The following HSP90AB1 variants were observed in gnomAD, a reference collection of about 807,000 sequenced individuals.
HSP90AB1 encodes heat shock protein HSP 90-beta.
Under a neutral mutation model 67.8 loss-of-function variants are expected in HSP90AB1, and 17 were observed. The ratio of observed to expected loss-of-function variants is 0.25; its 90% confidence interval spans 0.17 to 0.38. The LOEUF (loss-of-function observed/expected upper bound fraction) is 0.38, where lower values mean the gene tolerates loss of function less well. Ranked by LOEUF, HSP90AB1 falls within the 10% of genes least tolerant of loss-of-function variation. The pLI is 1.00. For missense variants in HSP90AB1, 690 were observed against 899.9 expected (o/e 0.77, Z 2.98); for synonymous variants, 390 against 312.9 (o/e 1.25, Z -2.60).
At chr6:44,248,243 G>A (rs1582980832) in intron 1 of HSP90AB1, among the ~76,000 whole-genome samples, 1 of 149,908 alleles carries the variant, frequency 6.7e-6, no homozygotes, top group Non-Finnish European at 1.5e-5. Context: ...ATAAAGAACT[G>A]TAGGTAGTGA....
chr6:44,251,206 G>A lies in HSP90AB1; in HGVS notation c.1116G>A (p.Glu372=), dbSNP rs1269816002. 3.1e-6 allele frequency: 5 copies of A among 1,614,088 alleles called. No homozygotes were observed. Among genetic ancestry groups the A allele is most frequent in the East Asian group, 2.2e-5 (1 of 44,886 alleles). The change falls in exon 7 of 12, where the codon GAG becomes GAA. Residue 372 remains glutamate, a synonymous_variant. Coordinates refer to ENST00000371646, the MANE Select transcript of HSP90AB1 (RefSeq NM_007355.4). ...IMDSCDELIP[E]YLNFIRGVVD... ...ACAGCTGTGATGAGTTGATACCAGA[G>A]TATCTCAGTGAGTATCTCCTTGGCC...
chr6:44,249,553 T>A lies in HSP90AB1; in HGVS notation c.324T>A (p.Ser108=). 6.2e-7 allele frequency: 1 copy of A among 1,614,172 alleles called. No homozygotes were observed. Residue 108 remains serine (S), a synonymous_variant, in exon 3 of 12, where the codon TCT becomes TCA. Transcript: ENST00000371646. The stretch of plus-strand genomic sequence containing the variant: ...ATAATTTGGGAACCATTGCCAAGTC[T>A]GGTACTAAAGCATTCATGGAGGCTC... ...LINNLGTIAK[S]GTKAFMEALQ... is the part of the protein sequence containing the mutation.
chr6:44,252,864 C>T (rs1780889275), intron 10 of HSP90AB1, among the ~76,000 whole-genome samples, 181 bp from the exon 11 acceptor site: 1 of 151,572 alleles, frequency 6.6e-6, no homozygotes, highest in Non-Finnish European at 1.5e-5. Context: ...GCTGGGATTA[C>T]AGATGTGTGC....
At position 44,250,173 on chromosome 6, in the gene HSP90AB1, ATCTTTTACACTTAACGTGCAGGATGTTTC is replaced by A; in HGVS notation, c.648+20_648+48del. On this transcript the variant is annotated intron_variant, in intron 5 of 11. Transcript: ENST00000371646. ...CCTTTATGTGAGTATGGACTTTTAAATCTTTTACACTTAACGTGCAGGATGTTTCCTGTTCTGGAGAATCTCATTGTCCC... is the reference window on the plus strand; with the variant it reads ...CCTTTATGTGAGTATGGACTTTTAAACTGTTCTGGAGAATCTCATTGTCCC... 1 of 1,614,056 alleles carries A rather than the reference ATCTTTTACACTTAACGTGCAGGATGTTTC, an allele frequency of 6.2e-7. No homozygotes were observed. The highest frequency in any genetic ancestry group is 1.1e-5 in the South Asian group (1 of 91,056).
intron 1 of HSP90AB1, chr6:44,248,102 G>C (rs1370298151): frequency 1.3e-5 from 2 of 152,572 alleles, no homozygotes; most frequent in African/African-American, 4.8e-5. Flanking sequence ...TGGATCCCAG[G>C]TTATTCCTCC....
chr6:44,247,607 C>T (rs527280671), intron 1 of HSP90AB1, among the ~76,000 whole-genome samples: 7 of 152,340 alleles, frequency 4.6e-5, no homozygotes, highest in South Asian at 4.1e-4. Context: ...GTGGGACTGG[C>T]TTTGTCACCT....
At position 44,251,101 on chromosome 6, in the gene HSP90AB1, T is replaced by C; in HGVS notation, c.1011T>C (p.Arg337=). ...LEFRALLFIP[R]RAPFDLFENK... ...TCAGGGCATTGCTATTTATTCCTCGTCGGGCTCCCTTTGACCTTTTTGAGA... is the reference window on the plus strand; with the variant it reads ...TCAGGGCATTGCTATTTATTCCTCGCCGGGCTCCCTTTGACCTTTTTGAGA... Residue 337 remains arginine (R), a synonymous_variant, in exon 7 of 12, where the codon CGT becomes CGC. Coordinates refer to ENST00000371646, the MANE Select transcript of HSP90AB1 (RefSeq NM_007355.4). The C allele has an allele frequency of 1.2e-6, 2 of 1,614,160 alleles. No homozygotes were observed. Among genetic ancestry groups the C allele is most frequent in the African/African-American group, 2.7e-5 (2 of 75,048 alleles).
At position 44,249,403 on chromosome 6, in the gene HSP90AB1, C is replaced by T. The variant is rs1418103670; in HGVS notation, c.174C>T (p.Ser58=). 1.4e-5 allele frequency: 22 copies of T among 1,613,764 alleles called. No homozygotes were observed. Among genetic ancestry groups the T allele is most frequent in the Admixed American group, 8.3e-5 (5 of 59,994 alleles). ...SDALDKIRYE[S]LTDPSKLDSG... The stretch of plus-strand genomic sequence containing the variant: ...CCTTGGACAAGATTCGCTATGAGAG[C>T]CTGACAGACCCTTCGAAGTTGGACA... The change falls in exon 3 of 12, where the codon AGC becomes AGT. Residue 58 remains serine (S), a synonymous_variant. Coordinates refer to ENST00000371646, the MANE Select transcript of HSP90AB1 (RefSeq NM_007355.4).
chr6:44,248,963 C>G (rs1780315659), intron 2 of HSP90AB1, among the ~76,000 whole-genome samples, 187 bp downstream of exon 2: 1 of 152,146 alleles, frequency 6.6e-6, no homozygotes, highest in South Asian at 2.1e-4. Flanking sequence ...AATAAGTGGG[C>G]TCATGGAACT....
At chr6:44,249,174 G>A (rs943636009) in intron 2 of HSP90AB1, among the ~76,000 whole-genome samples, 2 of 152,128 alleles carry the variant, frequency 1.3e-5, no homozygotes, top group African/African-American at 4.8e-5. Flanking sequence ...CCTTGTCTCT[G>A]CAAAAAATTA....
intron 1 of HSP90AB1, among the ~76,000 whole-genome samples, 157 bp downstream of exon 1, chr6:44,247,352 G>GT (rs1437918804): frequency 2.0e-5 from 3 of 151,862 alleles, no homozygotes; most frequent in African/African-American, 7.3e-5. Flanking sequence ...GGTGGGTGAG[G>GT]TTTTTTGAGT....
chr6:44,246,354 G>C (rs10948128), upstream of HSP90AB1: 24,310 of 152,208 alleles, frequency 0.16, 2,490 homozygotes, highest in East Asian at 0.36. Context: ...GGTCAGAGCG[G>C]GTCGCCGGGT....
chr6:44,248,840 AGGAGTG>A, intron 2 of HSP90AB1, 64 bp downstream of exon 2: 1 of 1,497,652 alleles, frequency 6.7e-7, no homozygotes, highest in Non-Finnish European at 9.1e-7. Flanking sequence ...AGGAGGGGAA[AGGAGTG>A]GTTTGGCCTT....
At position 44,252,225 on chromosome 6, in the gene HSP90AB1, C is replaced by T. The variant is rs748544840; in HGVS notation, c.1689C>T (p.Leu563=). Reference sequence around the variant, plus strand: ...AGAGCAAGGCAAAGTTTGAGAACCTCTGCAAGCTCATGAAAGAAATCTTAG... The same window carrying T: ...AGAGCAAGGCAAAGTTTGAGAACCTTTGCAAGCTCATGAAAGAAATCTTAG... The part of the protein sequence containing the change: ...MEESKAKFEN[L]CKLMKEILDK... The change falls in exon 10 of 12, where the codon CTC becomes CTT. Residue 563 remains leucine, a synonymous_variant. Coordinates refer to ENST00000371646, the MANE Select transcript of HSP90AB1 (RefSeq NM_007355.4). 6.2e-7 allele frequency: 1 copy of T among 1,614,116 alleles called. No homozygotes were observed. The highest frequency in any genetic ancestry group is 1.1e-5 in the South Asian group (1 of 91,076).
intron 1 of HSP90AB1, among the ~76,000 whole-genome samples, chr6:44,247,434 G>A (rs1487335104): frequency 6.6e-6 from 1 of 152,144 alleles, no homozygotes; most frequent in African/African-American, 2.4e-5. Context: ...TAGCGAGGTG[G>A]GCTGTGGGGT....
In HSP90AB1 at chr6:44,253,050, A is replaced by C; in HGVS notation, c.1737A>C (p.Thr579=). 1 of 1,612,930 alleles carries C rather than the reference A, an allele frequency of 6.2e-7. No individual in the cohort carries two copies. Among genetic ancestry groups the C allele is most frequent in the Non-Finnish European group, 8.5e-7 (1 of 1,178,906 alleles). Reference sequence around the variant, plus strand: ...GCTTTTGTGATCGTCCACAGGTGACAATCTCCAATAGACTTGTGTCTTCAC... The same window carrying C: ...GCTTTTGTGATCGTCCACAGGTGACCATCTCCAATAGACTTGTGTCTTCAC... The part of the protein sequence containing the change: ...EILDKKVEKV[T]ISNRLVSSPC... The change falls in exon 11 of 12, where the codon ACA becomes ACC. Residue 579 remains threonine (T), a synonymous_variant. Coordinates refer to ENST00000371646, the MANE Select transcript of HSP90AB1 (RefSeq NM_007355.4).
At position 44,250,441 on chromosome 6, in the gene HSP90AB1, A is replaced by T; in HGVS notation, c.799A>T (p.Lys267Ter). The change falls in exon 6 of 12, where the codon AAG (lysine) becomes TAG (stop). Residue 267 changes from lysine to a stop codon, truncating the protein, a stop_gained. Coordinates refer to ENST00000371646, the MANE Select transcript of HSP90AB1 (RefSeq NM_007355.4). LOFTEE classifies it high-confidence loss of function. ...EEDDSGKDKKKKTKKIKEKYI... is the reference protein window; with the variant it reads ...EEDDSGKDKK The stretch of plus-strand genomic sequence containing the variant: ...GGATGACAGCGGTAAGGATAAGAAG[A>T]AGAAAACTAAGAAGATCAAAGAGAA... 1.9e-6 allele frequency: 3 copies of T among 1,613,970 alleles called. No individual in the cohort carries two copies. The highest frequency in any genetic ancestry group is 2.5e-6 in the Non-Finnish European group (3 of 1,179,848).
rs1780662403 is a variant in HSP90AB1, at chr6:44,251,721, CT to C, written c.1315-14del. The C allele has an allele frequency of 6.2e-7, 1 of 1,610,528 alleles. No individual in the cohort carries two copies. Among genetic ancestry groups the C allele is most frequent in the African/African-American group, 1.3e-5 (1 of 74,876 alleles). Reference sequence around the variant, plus strand: ...GTAGTTAAGCTGGATTGTTTTTCCTCTTCCCACCCTTCAAGCTTGGAATCCA... The same window carrying C: ...GTAGTTAAGCTGGATTGTTTTTCCTCTCCCACCCTTCAAGCTTGGAATCCA... On this transcript the variant is annotated splice_polypyrimidine_tract_variant and intron_variant, in intron 8 of 11. Transcript: ENST00000371646.
chr6:44,247,469 G>GCACGT (rs1236394397), intron 1 of HSP90AB1, among the ~76,000 whole-genome samples: 2 of 152,136 alleles, frequency 1.3e-5, no homozygotes, highest in African/African-American at 4.8e-5. Context: ...GCTGGCAGCT[G>GCACGT]CACGTGGTGG....
Sources: allele counts gnomAD v4.1 joint callset (sites outside exome capture counted in the v4.1 genomes callset), GRCh38; gene constraint gnomAD v4.1.1; transcripts MANE v1.5; gene names NCBI Gene and HGNC (gene_info 2026-07-23, HGNC 2026-07-21).